C1orf105: variants seen among roughly 807,000 people sequenced by gnomAD.
C1orf105 encodes uncharacterized protein C1orf105.
A neutral mutation model predicts 20.8 loss-of-function variants in C1orf105; 17 were observed. The observed-to-expected ratio is 0.82, with a 90% confidence interval of 0.56 to 1.23. The LOEUF is 1.23. C1orf105 is among the 50% of genes most tolerant of loss of function. The pLI, the probability that C1orf105 is intolerant of heterozygous loss-of-function variation, is 0.00. For missense variants in C1orf105, 219 were observed against 213.5 expected (o/e 1.03, Z -0.16); for synonymous variants, 72 against 72.1 (o/e 1.00, Z 0.01).
At chr1:172,421,802 C>T (rs1189832311) in intron 1 of C1orf105, among the ~76,000 whole-genome samples, 1 of 152,164 alleles carries the variant, frequency 6.6e-6, no homozygotes, top group Non-Finnish European at 1.5e-5. Context: ...TCCCCCATCC[C>T]CTGGCAGCAG....
At chr1:172,444,019 A>G in intron 1 of C1orf105, 3 of 999,838 alleles carry the variant, frequency 3.0e-6, no homozygotes, top group Non-Finnish European at 2.4e-6. Flanking sequence ...CAGCTGGGGG[A>G]CGGCGGCACC....
At chr1:172,466,793 C>T (rs1650098641) in intron 6 of C1orf105, among the ~76,000 whole-genome samples, 1 of 152,160 alleles carries the variant, frequency 6.6e-6, no homozygotes, top group African/African-American at 2.4e-5. Context: ...TTGGATGGCC[C>T]TGATTCTTGT....
chr1:172,441,661 T>G, intron 1 of C1orf105: 10 of 1,320,070 alleles, frequency 7.6e-6, no homozygotes, highest in Non-Finnish European at 9.3e-6. Context: ...GAACTCTGTC[T>G]TTAAGTTCTA....
At chr1:172,461,928 G>C (rs1313630588) in intron 4 of C1orf105, among the ~76,000 whole-genome samples, 1 of 152,252 alleles carries the variant, frequency 6.6e-6, no homozygotes, top group South Asian at 2.1e-4. Context: ...GTGTATTGGG[G>C]GTGGGGGCAT....
chr1:172,427,604 T>G (rs1465172840), intron 1 of C1orf105, among the ~76,000 whole-genome samples: 8 of 152,198 alleles, frequency 5.3e-5, no homozygotes, highest in Admixed American at 5.2e-4. Context: ...CTCTTTTAAA[T>G]GTAAAGGTCA....
chr1:172,462,226 G>A lies in C1orf105; in HGVS notation c.322G>A (p.Glu108Lys). ...CCCAGATGATCCAAAAGCATCCTTT[G>A]AGAATTGTATGAGTTATAGGTAAGT... ...KIPDDPKASF[E>K]NCMSYRMSLH... The change falls in exon 5 of 7, where the codon GAG becomes AAG. Residue 108 changes from glutamate (E) to lysine (K), a missense_variant. Coordinates refer to ENST00000367727, the MANE Select transcript of C1orf105 (RefSeq NM_139240.4). 1 of 1,609,416 alleles carries A rather than the reference G, an allele frequency of 6.2e-7. No homozygotes were observed. Among genetic ancestry groups the A allele is most frequent in the Non-Finnish European group, 8.5e-7 (1 of 1,177,608 alleles).
chr1:172,455,029 C>G (rs1369373938), intron 3 of C1orf105, among the ~76,000 whole-genome samples: 1 of 152,164 alleles, frequency 6.6e-6, no homozygotes, highest in Non-Finnish European at 1.5e-5. Flanking sequence ...ACTTGGTAGC[C>G]TCACAATAGA....
intron 6 of C1orf105, among the ~76,000 whole-genome samples, chr1:172,466,323 G>A (rs1276621444): frequency 1.3e-5 from 2 of 152,054 alleles, no homozygotes; most frequent in Non-Finnish European, 2.9e-5. Context: ...CAAAATATTG[G>A]CCTAGTTCAT....
chr1:172,456,338 C>A (rs1649241242), intron 3 of C1orf105, 77 bp from the exon 4 acceptor site: 2 of 1,245,778 alleles, frequency 1.6e-6, no homozygotes, highest in Admixed American at 3.4e-5. Context: ...TCTCACCCCT[C>A]CACTGCTTTC....
In C1orf105 at chr1:172,436,162, C is replaced by T. The variant is rs376912116; in HGVS notation, c.22-8911C>T. 1.5e-3 allele frequency among the ~76,000 whole-genome samples: 234 copies of T among 152,168 alleles called. 1 individual carries two copies. The highest frequency in any genetic ancestry group is 2.5e-3 in the Non-Finnish European group (170 of 67,984). Reference sequence around the variant, plus strand: ...ATCAGTATCATGAAAATGGCCATACCGCCCAAGGTAATTTATAGATTCAAT... The same window carrying T: ...ATCAGTATCATGAAAATGGCCATACTGCCCAAGGTAATTTATAGATTCAAT... On this transcript the variant is annotated intron_variant, in intron 1 of 6. Coordinates refer to ENST00000367727, the MANE Select transcript of C1orf105 (RefSeq NM_139240.4).
At chr1:172,465,883 C>T (rs1267344049) in intron 6 of C1orf105, among the ~76,000 whole-genome samples, 1 of 152,150 alleles carries the variant, frequency 6.6e-6, no homozygotes, top group Non-Finnish European at 1.5e-5. Flanking sequence ...CAGCATTGAC[C>T]TAAGTCTCAG....
At chr1:172,430,999 G>A in intron 1 of C1orf105, 1 of 553,226 alleles carries the variant, frequency 1.8e-6, no homozygotes, top group Non-Finnish European at 3.2e-6. Context: ...ATATGTGTGT[G>A]TGTTCTGACT....
At chr1:172,462,276 T>C (rs1379955008) in intron 5 of C1orf105, 31 bp downstream of exon 5, 2 of 1,471,684 alleles carry the variant, frequency 1.4e-6, no homozygotes, top group African/African-American at 2.8e-5. Flanking sequence ...AGGACATGAC[T>C]TAATTCTTGT....
chr1:172,441,649 T>C, intron 1 of C1orf105: 1 of 1,231,792 alleles, frequency 8.1e-7, no homozygotes, highest in Non-Finnish European at 1.1e-6. Context: ...GCTTCCAGAA[T>C]GGAACTCTGT....
intron 6 of C1orf105, among the ~76,000 whole-genome samples, chr1:172,468,100 A>G (rs1376473591): frequency 6.6e-6 from 1 of 152,172 alleles, no homozygotes; most frequent in Non-Finnish European, 1.5e-5. Context: ...CACTCATATT[A>G]CAACACCAGA....
chr1:172,453,336 C>A, intron 3 of C1orf105: 1 of 1,047,218 alleles, frequency 9.5e-7, no homozygotes, highest in Non-Finnish European at 1.3e-6. Flanking sequence ...ATATGATTGA[C>A]AAAAGTCACC....
intron 1 of C1orf105, among the ~76,000 whole-genome samples, chr1:172,434,220 C>T (rs1328619507): frequency 1.3e-5 from 2 of 152,170 alleles, no homozygotes; most frequent in Non-Finnish European, 2.9e-5. Context: ...ACAAGGATAA[C>T]CAGGATTGAA....
At position 172,465,379 on chromosome 1, in the gene C1orf105, G is replaced by C; in HGVS notation, c.406+16G>C. The C allele has an allele frequency of 6.3e-7, 1 of 1,576,348 alleles. No individual in the cohort carries two copies. The highest frequency in any genetic ancestry group is 8.7e-7 in the Non-Finnish European group (1 of 1,145,852). ...ATCCCAACAGGTTTGCTTTCTTTTA[G>C]AGTACTTATAGTGTGAAACACACTA... On this transcript the variant is annotated intron_variant, in intron 6 of 6. Transcript: ENST00000367727.
intron 1 of C1orf105, among the ~76,000 whole-genome samples, chr1:172,437,474 C>A (rs991416146): frequency 1.2e-4 from 18 of 151,046 alleles, no homozygotes; most frequent in Non-Finnish European, 2.4e-4. Context: ...TCTCAGCAAG[C>A]TATCACAAGG....
Sources: allele counts gnomAD v4.1 joint callset (sites outside exome capture counted in the v4.1 genomes callset), GRCh38; gene constraint gnomAD v4.1.1; transcripts MANE v1.5; gene names NCBI Gene and HGNC (gene_info 2026-07-23, HGNC 2026-07-21).